Variants in GALNT1 observed in about 807,000 individuals in gnomAD.
GALNT1 encodes polypeptide N-acetylgalactosaminyltransferase 1.
In GALNT1, 17 loss-of-function variants were observed where a neutral mutation model predicts 65.7. The observed-to-expected ratio is 0.26, with a 90% CI of 0.18 to 0.39. The LOEUF (loss-of-function observed/expected upper bound fraction) is 0.39, where lower values mean the gene tolerates loss of function less well. Ranked by LOEUF, GALNT1 falls within the 10% of genes least tolerant of loss-of-function variation. The probability of loss-of-function intolerance (pLI) is 1.00; values close to 1 mark genes in which losing one functional copy is unlikely to be tolerated. For synonymous variants in GALNT1, 210 were observed against 219.7 expected, an observed-to-expected ratio of 0.96 and a Z score of 0.39; for missense variants, 460 against 672.8, an observed-to-expected ratio of 0.68 and a Z score of 3.50.
chr18:35,703,955 C>T (rs1013419775), intron 11 of GALNT1, among the ~76,000 whole-genome samples: 3 of 152,150 alleles, frequency 2.0e-5, no homozygotes, highest in African/African-American at 4.8e-5. Context: ...AGAAAGTAGG[C>T]TTTTAAAATT....
intron 5 of GALNT1, among the ~76,000 whole-genome samples, 178 bp from the exon 6 acceptor site, chr18:35,686,838 G>A (rs749658911): frequency 2.0e-5 from 3 of 152,164 alleles, no homozygotes; most frequent in Non-Finnish European, 2.9e-5. Flanking sequence ...TGAGGAGGTC[G>A]AGGCTGCAGT....
chr18:35,645,012 GAATA>G (rs201829030), intron 1 of GALNT1, among the ~76,000 whole-genome samples: 1,682 of 151,618 alleles, frequency 0.011, 25 homozygotes, highest in African/African-American at 0.036. Context: ...ATAAGTAAAT[GAATA>G]AATAAATAAA....
intron 1 of GALNT1, among the ~76,000 whole-genome samples, chr18:35,648,024 GAGAAGAAGA>G (rs71166076): frequency 8.9e-5 from 13 of 145,958 alleles, no homozygotes; most frequent in Non-Finnish European, 1.5e-4. Context: ...AAAACAAAAA[GAGAAGAAGA>G]AGAAGAAGAA....
rs533852049 is a variant in GALNT1 at position 35,668,798 on chromosome 18, G to A, written c.314+4996G>A. On this transcript the variant is annotated intron_variant, in intron 3 of 11. Transcript: ENST00000269195. ...AGTGTTCTTACCACAATGACGTAAA[G>A]ATAAGATTATAAGTGAATATTATAA... is the stretch of plus-strand genomic sequence containing the variant. Among the ~76,000 whole-genome samples, 26 of 152,218 alleles carry A rather than the reference G, an allele frequency of 1.7e-4. No individual in the cohort carries two copies. In the East Asian group the frequency reaches 4.4e-3, roughly 26 times the overall value.
intron 3 of GALNT1, among the ~76,000 whole-genome samples, chr18:35,668,968 G>T (rs186323289): frequency 6.6e-6 from 1 of 152,156 alleles, no homozygotes; most frequent in East Asian, 1.9e-4. Flanking sequence ...ACAGCCGGGC[G>T]CACTGACTCA....
intron 1 of GALNT1, among the ~76,000 whole-genome samples, chr18:35,616,271 C>G (rs1390281754): frequency 1.3e-5 from 2 of 152,106 alleles, no homozygotes; most frequent in African/African-American, 4.8e-5. Context: ...CTGGCCTTGA[C>G]ATGTATAGTC....
chr18:35,668,673 A>G (rs923562809), intron 3 of GALNT1, among the ~76,000 whole-genome samples: 1 of 152,196 alleles, frequency 6.6e-6, no homozygotes, highest in Non-Finnish European at 1.5e-5. Context: ...GTTATGCAAG[A>G]TGAATAAGGA....
At chr18:35,631,118 A>G (rs1182820579) in intron 1 of GALNT1, among the ~76,000 whole-genome samples, 2 of 152,244 alleles carry the variant, frequency 1.3e-5, no homozygotes, top group African/African-American at 2.4e-5. Context: ...ACATTCTACC[A>G]GAGGTACAAG....
intron 1 of GALNT1, among the ~76,000 whole-genome samples, chr18:35,632,059 C>G (rs1054403869): frequency 2.6e-5 from 4 of 152,142 alleles, no homozygotes; most frequent in African/African-American, 7.2e-5. Flanking sequence ...AGGATACAAA[C>G]AAATGGAAGA....
intron 9 of GALNT1, among the ~76,000 whole-genome samples, chr18:35,699,300 C>G (rs1490990863): frequency 6.6e-6 from 1 of 152,202 alleles, no homozygotes; most frequent in Non-Finnish European, 1.5e-5. Context: ...TATTGATATT[C>G]AGGAGTATCT....
At chr18:35,611,939 T>C (rs189926545) in intron 1 of GALNT1, among the ~76,000 whole-genome samples, 1 of 152,338 alleles carries the variant, frequency 6.6e-6, no homozygotes, top group Non-Finnish European at 1.5e-5. Flanking sequence ...TCTCTAAATT[T>C]GTAGGCCTTG....
intron 6 of GALNT1, among the ~76,000 whole-genome samples, 198 bp from the exon 7 acceptor site, chr18:35,688,975 A>G (rs1457353328): frequency 6.6e-6 from 1 of 152,216 alleles, no homozygotes; most frequent in Admixed American, 6.5e-5. Flanking sequence ...CAGCATGACC[A>G]TGGTGCAGGT....
chr18:35,627,485 G>A (rs1263277163), intron 1 of GALNT1: 1 of 152,168 alleles, frequency 6.6e-6, no homozygotes, highest in Non-Finnish European at 1.5e-5. Flanking sequence ...ACCACTTTGG[G>A]TAAGTTGATA....
intron 1 of GALNT1, among the ~76,000 whole-genome samples, chr18:35,647,775 A>T (rs2144342876): frequency 6.6e-6 from 1 of 152,260 alleles, no homozygotes. Flanking sequence ...TCCAGCTGAG[A>T]TTCTCTCAAA....
intron 1 of GALNT1, among the ~76,000 whole-genome samples, chr18:35,631,048 T>C (rs2047000477): frequency 6.6e-6 from 1 of 152,092 alleles, no homozygotes; most frequent in African/African-American, 2.4e-5. Flanking sequence ...GCTCTGAAAT[T>C]GAGGCAGTAA....
intron 11 of GALNT1, among the ~76,000 whole-genome samples, chr18:35,705,768 T>C (rs2048246940): frequency 6.6e-6 from 1 of 152,258 alleles, no homozygotes; most frequent in Admixed American, 6.5e-5. Flanking sequence ...TAGGGATTTA[T>C]TTTTCTTACA....
intron 11 of GALNT1, among the ~76,000 whole-genome samples, chr18:35,703,995 G>C (rs888641379): frequency 6.6e-6 from 1 of 152,154 alleles, no homozygotes; most frequent in South Asian, 2.1e-4. Flanking sequence ...TGAAAGATAA[G>C]TTTTAATTAA....
At chr18:35,623,172 C>G (rs1258683838) in intron 1 of GALNT1, among the ~76,000 whole-genome samples, 1 of 152,162 alleles carries the variant, frequency 6.6e-6, no homozygotes, top group African/African-American at 2.4e-5. Context: ...TCTGACAGAT[C>G]TGAGTTTCCA....
At chr18:35,674,740 T>C (rs2047683519) in intron 3 of GALNT1, among the ~76,000 whole-genome samples, 1 of 152,064 alleles carries the variant, frequency 6.6e-6, no homozygotes, top group African/African-American at 2.4e-5. Context: ...TCCCAGCATT[T>C]TGGGAGGCCG....
Sources: allele counts gnomAD v4.1 joint callset (sites outside exome capture counted in the v4.1 genomes callset), GRCh38; gene constraint gnomAD v4.1.1; transcripts MANE v1.5; gene names NCBI Gene and HGNC (gene_info 2026-07-23, HGNC 2026-07-21).